Variants in CFAP263 observed in about 807,000 individuals in gnomAD.
The protein encoded by CFAP263 is cilia- and flagella-associated protein 263.
chr16:58,275,134 T>C, the CFAP263 span, among the ~76,000 whole-genome samples: 16,497 of 152,240 alleles, frequency 0.11, 1,012 homozygotes, highest in Admixed American at 0.13. Context: ...TTTTATTGCA[T>C]TCTGAAAACA....
At chr16:58,278,978 A>AT in the CFAP263 span, among the ~76,000 whole-genome samples, 25 of 149,620 alleles carry the variant, frequency 1.7e-4, no homozygotes, top group South Asian at 4.3e-4. Flanking sequence ...GGAGAAGTCC[A>AT]TTTTTTTTTT....
At chr16:58,279,749 T>A in the CFAP263 span, 1 of 1,613,660 alleles carries the variant, frequency 6.2e-7, no homozygotes, top group Non-Finnish European at 8.5e-7. Context: ...AATGAGCAGT[T>A]GCAGGCAGAT....
the CFAP263 span, among the ~76,000 whole-genome samples, chr16:58,255,105 C>T: frequency 6.6e-6 from 1 of 152,178 alleles, no homozygotes; most frequent in East Asian, 1.9e-4. Context: ...CCGGTAGTGG[C>T]TCAGTCCAAG....
chr16:58,251,300 T>G, the CFAP263 span, among the ~76,000 whole-genome samples: 1 of 152,248 alleles, frequency 6.6e-6, no homozygotes, highest in Non-Finnish European at 1.5e-5. Flanking sequence ...CTCCACAGAC[T>G]ACATACACCT....
chr16:58,267,035 G>A, the CFAP263 span, among the ~76,000 whole-genome samples: 2 of 152,182 alleles, frequency 1.3e-5, no homozygotes, highest in Non-Finnish European at 2.9e-5. Flanking sequence ...CCCACCTCAT[G>A]AGGAGTATTC....
the CFAP263 span, among the ~76,000 whole-genome samples, chr16:58,269,400 A>T: frequency 2.0e-5 from 3 of 151,968 alleles, no homozygotes; most frequent in African/African-American, 7.3e-5. Context: ...GAAAGAGGAA[A>T]GAAAGGAAAG....
chr16:58,265,152 C>T, the CFAP263 span, among the ~76,000 whole-genome samples: 1 of 152,118 alleles, frequency 6.6e-6, no homozygotes, highest in Non-Finnish European at 1.5e-5. Context: ...AAGATGTCCC[C>T]AAGAATCCCT....
the CFAP263 span, chr16:58,278,551 G>C: frequency 1.2e-6 from 2 of 1,614,194 alleles, no homozygotes; most frequent in Admixed American, 3.3e-5. Context: ...GGCACCACAG[G>C]TGATGACTTA....
chr16:58,276,935 A>C, the CFAP263 span, among the ~76,000 whole-genome samples: 1 of 152,164 alleles, frequency 6.6e-6, no homozygotes, highest in Non-Finnish European at 1.5e-5. Context: ...AAAAAAGGAA[A>C]CATGTTTGTA....
the CFAP263 span, among the ~76,000 whole-genome samples, chr16:58,256,697 C>G: frequency 6.6e-6 from 1 of 152,112 alleles, no homozygotes; most frequent in African/African-American, 2.4e-5. Flanking sequence ...GGTTGATGTT[C>G]TACCATGTGG....
chr16:58,251,079 C>T, the CFAP263 span, among the ~76,000 whole-genome samples: 1 of 152,196 alleles, frequency 6.6e-6, no homozygotes, highest in African/African-American at 2.4e-5. Flanking sequence ...TACTTCTATA[C>T]ATCTACAAAT....
chr16:58,254,617 T>G, the CFAP263 span, among the ~76,000 whole-genome samples: 1 of 151,990 alleles, frequency 6.6e-6, no homozygotes, highest in African/African-American at 2.4e-5. Context: ...TTCTTTTTTT[T>G]TTTTTGAGGT....
the CFAP263 span, among the ~76,000 whole-genome samples, chr16:58,257,264 G>A: frequency 3.6e-5 from 4 of 111,470 alleles, no homozygotes; most frequent in Admixed American, 1.2e-4. Flanking sequence ...TGATCCGCCC[G>A]CCTCGGCCTC....
the CFAP263 span, chr16:58,258,441 TA>T: frequency 3.7e-6 from 6 of 1,613,672 alleles, no homozygotes; most frequent in Non-Finnish European, 5.1e-6. Context: ...AAAGATATTC[TA>T]AAAGCCATAT....
At chr16:58,269,411 A>C in the CFAP263 span, among the ~76,000 whole-genome samples, 3 of 151,580 alleles carry the variant, frequency 2.0e-5, no homozygotes. Context: ...GAAAGGAAAG[A>C]AAGGAAGGGA....
the CFAP263 span, among the ~76,000 whole-genome samples, chr16:58,262,787 A>ATAGATAGATAGATAGATAGG: frequency 0.13 from 18,908 of 150,366 alleles, 1,283 homozygotes; most frequent in Middle Eastern, 0.16. Flanking sequence ...AGATAGATAG[A>ATAGATAGATAGATAGATAGG]TAGATAGATA....
At chr16:58,256,071 A>G in the CFAP263 span, among the ~76,000 whole-genome samples, 1 of 152,174 alleles carries the variant, frequency 6.6e-6, no homozygotes, top group Non-Finnish European at 1.5e-5. Context: ...TTCTATTTCT[A>G]AAGTTTTCTA....
the CFAP263 span, chr16:58,252,963 C>A: frequency 2.8e-6 from 3 of 1,056,150 alleles, no homozygotes; most frequent in Non-Finnish European, 4.3e-6. Context: ...ACCATGGGAC[C>A]TTCTCCCTGT....
At chr16:58,257,056 C>T in the CFAP263 span, among the ~76,000 whole-genome samples, 3 of 68,048 alleles carry the variant, frequency 4.4e-5, no homozygotes, top group East Asian at 6.9e-4. Context: ...CTCGCTCTGT[C>T]GCCCAGGCTG....
Sources: gnomAD v4.1 joint callset for allele counts (sites outside exome capture counted in the v4.1 genomes callset) on GRCh38, gnomAD v4.1.1 for gene constraint, MANE v1.5 for transcripts, NCBI Gene and HGNC (gene_info 2026-07-23, HGNC 2026-07-21) for gene names.